DNTT: variants seen among roughly 807,000 people sequenced by gnomAD.
DNTT encodes DNA nucleotidylexotransferase.
DNTT carries 47 observed loss-of-function variants against 60.9 expected under a neutral mutation model. That is an observed-to-expected ratio of 0.77 (90% CI 0.61 to 0.98). The LOEUF is 0.98. Ranked by LOEUF, DNTT falls within the 50% of genes least tolerant of loss-of-function variation. DNTT has a pLI of 0.00. For synonymous variants in DNTT, 224 were observed against 221.2 expected (o/e 1.01, Z -0.11); for missense variants, 665 against 627.5 (o/e 1.06, Z -0.64).
chr10:96,323,311 C>CA (rs1386054559), intron 5 of DNTT, among the ~76,000 whole-genome samples: 11 of 151,994 alleles, frequency 7.2e-5, no homozygotes, highest in African/African-American at 2.4e-4. Flanking sequence ...ACAAGACAAA[C>CA]AAAAAGACAC....
At chr10:96,308,570 C>T (rs1056374864) in intron 1 of DNTT, among the ~76,000 whole-genome samples, 1 of 152,178 alleles carries the variant, frequency 6.6e-6, no homozygotes, top group Non-Finnish European at 1.5e-5. Flanking sequence ...GTTATCAACC[C>T]TCCTCCATAA....
intron 1 of DNTT, among the ~76,000 whole-genome samples, chr10:96,306,292 C>T (rs761972488): frequency 9.9e-5 from 15 of 152,122 alleles, no homozygotes; most frequent in Admixed American, 2.6e-4. Context: ...CGGGGTTTCA[C>T]TATGTTGACC....
At chr10:96,330,267 C>G (rs2133993980) in intron 8 of DNTT, among the ~76,000 whole-genome samples, 2 of 151,380 alleles carry the variant, frequency 1.3e-5, no homozygotes, top group South Asian at 4.2e-4. Context: ...GCCCATTTCT[C>G]TCTTACCCAC....
intron 6 of DNTT, among the ~76,000 whole-genome samples, chr10:96,327,191 A>G (rs1844946518): frequency 6.6e-6 from 1 of 152,234 alleles, no homozygotes; most frequent in African/African-American, 2.4e-5. Context: ...GTAGGAAGTC[A>G]GATCTGAACA....
chr10:96,318,557 C>A, intron 2 of DNTT, 31 bp downstream of exon 2: 1 of 1,605,634 alleles, frequency 6.2e-7, no homozygotes, highest in South Asian at 1.1e-5. Context: ...TTTCACTGTT[C>A]TTTGCTTGAT....
intron 10 of DNTT, among the ~76,000 whole-genome samples, chr10:96,336,425 A>C (rs1331951485): frequency 6.6e-6 from 1 of 152,204 alleles, no homozygotes; most frequent in Non-Finnish European, 1.5e-5. Flanking sequence ...CCTGAGACAT[A>C]AATGAGCATC....
chr10:96,327,666 G>T (rs1313337021), intron 7 of DNTT, 66 bp downstream of exon 7: 1 of 1,554,888 alleles, frequency 6.4e-7, no homozygotes, highest in East Asian at 2.2e-5. Flanking sequence ...ACTTGGACAG[G>T]CATCTGAAAC....
At chr10:96,332,617 T>C (rs1161127248) in intron 9 of DNTT, 21 bp downstream of exon 9, 11 of 1,607,520 alleles carry the variant, frequency 6.8e-6, no homozygotes, top group Non-Finnish European at 9.4e-6. Context: ...CATGGACCCA[T>C]GGGATGATGT....
At chr10:96,321,625 G>A (rs937814126) in intron 4 of DNTT, among the ~76,000 whole-genome samples, 3 of 152,006 alleles carry the variant, frequency 2.0e-5, no homozygotes, top group Non-Finnish European at 2.9e-5. Flanking sequence ...TCTCCCTGGC[G>A]CCAGTTGTGA....
At chr10:96,304,755 C>T (rs1016092817) in intron 1 of DNTT, 55 bp downstream of exon 1, 14 of 1,566,914 alleles carry the variant, frequency 8.9e-6, no homozygotes, top group Non-Finnish European at 1.1e-5. Flanking sequence ...TGAACAGCTT[C>T]TTGGGAACCC....
intron 6 of DNTT, among the ~76,000 whole-genome samples, chr10:96,326,401 G>A (rs923377345): frequency 6.6e-6 from 1 of 152,208 alleles, no homozygotes; most frequent in African/African-American, 2.4e-5. Context: ...ATTGGACACA[G>A]TTTATAGGTG....
At chr10:96,331,288 A>G (rs11593073) in intron 8 of DNTT, among the ~76,000 whole-genome samples, 12,352 of 152,284 alleles carry the variant, frequency 0.081, 671 homozygotes, top group South Asian at 0.15. Context: ...TCAGTATAAT[A>G]TGAAGGGACA....
chr10:96,306,450 A>T (rs1047429852), intron 1 of DNTT: 3 of 152,228 alleles, frequency 2.0e-5, no homozygotes, highest in Admixed American at 1.3e-4. Flanking sequence ...ACTGCTTTTC[A>T]TGGTAAAGAA....
chr10:96,330,693 C>A (rs1444036478), intron 8 of DNTT, among the ~76,000 whole-genome samples: 1 of 152,084 alleles, frequency 6.6e-6, no homozygotes, highest in Non-Finnish European at 1.5e-5. Context: ...AGAAGAAAGA[C>A]AAAGCATGAT....
chr10:96,326,920 A>G (rs1239272200), intron 6 of DNTT, among the ~76,000 whole-genome samples: 1 of 152,168 alleles, frequency 6.6e-6, no homozygotes, highest in Non-Finnish European at 1.5e-5. Context: ...CTCTGTGGGA[A>G]CCACCAAGTT....
chr10:96,317,383 A>G (rs1844798764), intron 1 of DNTT, among the ~76,000 whole-genome samples: 1 of 152,216 alleles, frequency 6.6e-6, no homozygotes, highest in Non-Finnish European at 1.5e-5. Flanking sequence ...GTAAGTGCTT[A>G]GTACCTGTTA....
rs1001047247 is a variant in DNTT at position 96,304,444 on chromosome 10, C to T, written c.-54C>T. The T allele has an allele frequency of 1.2e-6, 2 of 1,602,306 alleles. No homozygotes were observed. Among genetic ancestry groups the T allele is most frequent in the Non-Finnish European group, 1.7e-6 (2 of 1,173,264 alleles). On this transcript the variant is annotated 5_prime_UTR_variant, in exon 1 of 11. Transcript: ENST00000371174. ...GTGTAGGAGGGTGGCAGTCTCCCTC[C>T]CTTCTGGAGACACCACCAGATGGGC...
At chr10:96,328,866 A>G (rs758626821) in intron 8 of DNTT, 36 bp downstream of exon 8, 11 of 1,589,500 alleles carry the variant, frequency 6.9e-6, no homozygotes, top group Middle Eastern at 1.7e-4. Flanking sequence ...GCACACGCAA[A>G]CATTATGTTA....
intron 1 of DNTT, 30 bp from the exon 2 acceptor site, chr10:96,318,322 C>T: frequency 6.3e-7 from 1 of 1,585,022 alleles, no homozygotes; most frequent in Non-Finnish European, 8.6e-7. Flanking sequence ...AAAGATGTTT[C>T]AGCTGGTAAC....
Sources: gnomAD v4.1 joint callset for allele counts (sites outside exome capture counted in the v4.1 genomes callset) on GRCh38, gnomAD v4.1.1 for gene constraint, MANE v1.5 for transcripts, NCBI Gene and HGNC (gene_info 2026-07-23, HGNC 2026-07-21) for gene names.